The following CDYL variants were observed in gnomAD, a reference collection of about 807,000 sequenced individuals.
CDYL encodes the protein chromodomain Y-like protein.
In CDYL, 8 loss-of-function variants were observed where a neutral mutation model predicts 47.3. That is an observed-to-expected ratio of 0.17 (90% CI 0.10 to 0.31). The LOEUF (loss-of-function observed/expected upper bound fraction) is 0.31. CDYL is among the 10% of genes least tolerant of loss of function. The pLI, the probability that CDYL is intolerant of heterozygous loss-of-function variation, is 1.00. For synonymous variants in CDYL, 266 were observed against 265.0 expected (o/e 1.00, Z -0.04); for missense variants, 471 against 701.4 (o/e 0.67, Z 3.71).
intron 1 of CDYL, among the ~76,000 whole-genome samples, chr6:4,857,944 G>T (rs1178325996): frequency 3.3e-5 from 5 of 152,110 alleles, no homozygotes; most frequent in African/African-American, 4.8e-5. Context: ...ATTTAAAGAC[G>T]TGGATTTGCC....
intron 3 of CDYL, among the ~76,000 whole-genome samples, chr6:4,751,447 AT>A (rs1432054650): frequency 6.6e-6 from 1 of 152,226 alleles, no homozygotes; most frequent in Non-Finnish European, 1.5e-5. Context: ...TGTGAAATTT[AT>A]TTAAGCATTT....
At chr6:4,913,602 A>G (rs1757472128) in intron 2 of CDYL, among the ~76,000 whole-genome samples, 1 of 152,262 alleles carries the variant, frequency 6.6e-6, no homozygotes, top group Non-Finnish European at 1.5e-5. Flanking sequence ...GCTTTAAAAT[A>G]CTTCCACCTT....
chr6:4,825,502 TGAG>T (rs1384308845), intron 1 of CDYL, among the ~76,000 whole-genome samples: 1 of 152,218 alleles, frequency 6.6e-6, no homozygotes, highest in Non-Finnish European at 1.5e-5. Context: ...CTTATCATGT[TGAG>T]GAAGTTCTCT....
At chr6:4,737,182 G>C (rs549897521) in intron 3 of CDYL, among the ~76,000 whole-genome samples, 4 of 152,134 alleles carry the variant, frequency 2.6e-5, no homozygotes, top group Admixed American at 2.6e-4. Flanking sequence ...AACTTTAAAA[G>C]TTTTCCTAAA....
intron 1 of CDYL, among the ~76,000 whole-genome samples, chr6:4,784,553 A>G (rs1351248677): frequency 6.6e-6 from 1 of 152,252 alleles, no homozygotes; most frequent in African/African-American, 2.4e-5. Flanking sequence ...AAAATGGATT[A>G]TAATAGTTAT....
chr6:4,859,286 C>T (rs1384988808), intron 1 of CDYL, among the ~76,000 whole-genome samples: 1 of 151,952 alleles, frequency 6.6e-6, no homozygotes, highest in Non-Finnish European at 1.5e-5. Flanking sequence ...AGTCTGTGAG[C>T]TGTGTGCTTC....
chr6:4,769,541 G>A (rs145251914), intron 3 of CDYL, among the ~76,000 whole-genome samples: 62 of 152,268 alleles, frequency 4.1e-4, no homozygotes, highest in African/African-American at 1.4e-3. Context: ...AATGCTAAAT[G>A]TAAAGCAATT....
intron 1 of CDYL, among the ~76,000 whole-genome samples, chr6:4,791,943 C>T (rs1443467786): frequency 3.0e-4 from 44 of 148,216 alleles, no homozygotes; most frequent in Middle Eastern, 3.5e-3. Context: ...AGTGCAGTGG[C>T]GCGATCTCAG....
At chr6:4,857,130 A>G (rs1411893177) in intron 1 of CDYL, among the ~76,000 whole-genome samples, 1 of 152,214 alleles carries the variant, frequency 6.6e-6, no homozygotes, top group Non-Finnish European at 1.5e-5. Flanking sequence ...CATTGTAAAA[A>G]TTGAGTTTTT....
At chr6:4,953,869 G>A in intron 6 of CDYL, 29 bp from the exon 7 acceptor site, 1 of 1,606,646 alleles carries the variant, frequency 6.2e-7, no homozygotes, top group Non-Finnish European at 8.5e-7. Flanking sequence ...CATGCACCCT[G>A]CTAACTGGCT....
intron 2 of CDYL, among the ~76,000 whole-genome samples, chr6:4,895,027 GTGTATATA>G (rs1762176694): frequency 6.6e-6 from 1 of 151,194 alleles, no homozygotes; most frequent in Admixed American, 6.6e-5. Context: ...ATGTATGTAT[GTGTATATA>G]TGTATCTATA....
At chr6:4,778,719 TTAAG>T (rs1329323293) in intron 1 of CDYL, among the ~76,000 whole-genome samples, 1 of 152,122 alleles carries the variant, frequency 6.6e-6, no homozygotes, top group Admixed American at 6.6e-5. Context: ...GGTGATAAAT[TTAAG>T]TATGTGTAGT....
At chr6:4,721,929 T>C (rs1289443498) in intron 2 of CDYL, among the ~76,000 whole-genome samples, 2 of 151,922 alleles carry the variant, frequency 1.3e-5, no homozygotes, top group Non-Finnish European at 2.9e-5. Context: ...GTAGCGTGAT[T>C]TCGGCTCACT....
rs2235428 is a variant in CDYL at position 4,852,983 on chromosome 6, T to C, written c.25-38730T>C. Among the ~76,000 whole-genome samples the C allele has an allele frequency of 6.2e-4, 94 of 152,212 alleles. 4 individuals are homozygous for C. The East Asian group carries it at 0.018, about 29-fold the overall frequency. On this transcript the variant is annotated intron_variant, in intron 1 of 6. Transcript: ENST00000397588. ...ATTTTAATTCTTTGTAGAGAAGAAG[T>C]CTTGCTTTGTTGCCCAGGCTGGTCT...
intron 2 of CDYL, among the ~76,000 whole-genome samples, chr6:4,935,194 TAC>T (rs1242605956): frequency 6.6e-6 from 1 of 152,230 alleles, no homozygotes; most frequent in East Asian, 1.9e-4. Context: ...CTGGAATAGA[TAC>T]TCTCCATGAG....
intron 2 of CDYL, among the ~76,000 whole-genome samples, chr6:4,912,526 T>G (rs895410509): frequency 3.9e-5 from 6 of 152,230 alleles, no homozygotes; most frequent in Non-Finnish European, 7.3e-5. Context: ...AAGTTTGGGT[T>G]TTTTTCAGAT....
chr6:4,935,906 G>A, intron 3 of CDYL, 135 bp downstream of exon 3: 1 of 1,387,084 alleles, frequency 7.2e-7, no homozygotes, highest in Non-Finnish European at 9.7e-7. Flanking sequence ...CCACCAGAAG[G>A]GAGGGAGCAG....
rs1761490662 is a variant in CDYL at position 4,872,045 on chromosome 6, TGTGTG to T, written c.25-19667_25-19663del. ...TATCTGTCTGTCATTGGTCTCAGTA[TGTGTG>T]CGCAAGTGTATCAGTGTGTGGTTTG... On this transcript the variant is annotated intron_variant, in intron 1 of 6. Transcript: ENST00000397588. Among the ~76,000 whole-genome samples, 5 of 152,334 alleles carry T rather than the reference TGTGTG, an allele frequency of 3.3e-5. No homozygotes were observed. The South Asian group carries it at 1.0e-3, about 32-fold the overall frequency.
At chr6:4,759,294 AAATT>A (rs1159186081) in intron 3 of CDYL, among the ~76,000 whole-genome samples, 1 of 152,064 alleles carries the variant, frequency 6.6e-6, no homozygotes, top group African/African-American at 2.4e-5. Context: ...TTCCTAACCA[AAATT>A]AATACAGTTG....
Sources: gnomAD v4.1 joint callset for allele counts (sites outside exome capture counted in the v4.1 genomes callset) on GRCh38, gnomAD v4.1.1 for gene constraint, MANE v1.5 for transcripts, NCBI Gene and HGNC (gene_info 2026-07-23, HGNC 2026-07-21) for gene names.